Variants in PDK3 observed in about 807,000 individuals in gnomAD.
PDK3 encodes the protein pyruvate dehydrogenase kinase, isozyme 3.
PDK3 carries 12 observed loss-of-function variants against 32.0 expected under a neutral mutation model. The observed-to-expected ratio is 0.37, with a 90% CI of 0.24 to 0.61. The LOEUF (loss-of-function observed/expected upper bound fraction) is 0.61. PDK3 is among the 20% of genes least tolerant of loss of function. PDK3 has a pLI of 0.65. For synonymous variants in PDK3, 122 were observed against 116.3 expected (o/e 1.05, Z -0.31); for missense variants, 188 against 316.9 (o/e 0.59, Z 3.09).
intron 1 of PDK3, among the ~76,000 whole-genome samples, chrX:24,480,915 A>C (rs755830634): frequency 8.9e-6 from 1 of 112,160 alleles, no homozygotes; most frequent in Non-Finnish European, 1.9e-5. Context: ...AAGGTTTTTG[A>C]AATAAGGGTG....
intron 9 of PDK3, among the ~76,000 whole-genome samples, chrX:24,531,086 GA>G (rs1253382816): frequency 7.2e-5 from 7 of 97,367 alleles, no homozygotes; most frequent in African/African-American, 3.0e-4. Context: ...TGTGTGTGGA[GA>G]TGGAGTCTTG....
At chrX:24,483,443 T>C (rs1334531627) in intron 1 of PDK3, among the ~76,000 whole-genome samples, 1 of 111,937 alleles carries the variant, frequency 8.9e-6, no homozygotes, top group Non-Finnish European at 1.9e-5. Context: ...TGACATCTGT[T>C]CTGAACACAT....
chrX:24,496,566 A>ATTTTTTTTTTTTTTTT (rs1921707593), intron 2 of PDK3, among the ~76,000 whole-genome samples: 1 of 41,128 alleles, frequency 2.4e-5, no homozygotes, highest in African/African-American at 1.0e-4. Context: ...TACTACCCCC[A>ATTTTTTTTTTTTTTTT]TCTTTTTTTT....
At chrX:24,506,726 G>T (rs770397428) in intron 5 of PDK3, among the ~76,000 whole-genome samples, 4 of 105,835 alleles carry the variant, frequency 3.8e-5, no homozygotes, top group African/African-American at 6.9e-5. Flanking sequence ...GCTCAATTCA[G>T]TGTTTTTTAG....
chrX:24,495,440 C>T (rs61595685), intron 2 of PDK3, among the ~76,000 whole-genome samples: 11,010 of 112,389 alleles, frequency 0.098, 826 homozygotes, highest in African/African-American at 0.26. Context: ...CTGGGCCACC[C>T]GTGCTTTTGA....
intron 1 of PDK3, among the ~76,000 whole-genome samples, chrX:24,470,719 G>C (rs868821679): frequency 2.1e-5 from 2 of 94,423 alleles, no homozygotes; most frequent in Non-Finnish European, 4.3e-5. Flanking sequence ...AAGAAGAAAA[G>C]AAAAAAAGAA....
At chrX:24,493,284 T>C (rs1248801445) in intron 1 of PDK3, among the ~76,000 whole-genome samples, 1 of 111,457 alleles carries the variant, frequency 9.0e-6, no homozygotes, top group Non-Finnish European at 1.9e-5. Context: ...TATTGTAACT[T>C]TTTTGAGAAT....
intron 3 of PDK3, 26 bp from the exon 4 acceptor site, chrX:24,503,301 C>T (rs1323945902): frequency 1.7e-6 from 2 of 1,153,402 alleles, no homozygotes; most frequent in African/African-American, 3.6e-5. Context: ...TTAAGACTGA[C>T]CACGTTTTGT....
chrX:24,496,770 TC>T (rs1274560216), intron 2 of PDK3, among the ~76,000 whole-genome samples: 2,436 of 79,096 alleles, frequency 0.031, 75 homozygotes, highest in Non-Finnish European at 0.047. Context: ...CTCAAAATAA[TC>T]TTTTTTTTTT....
In PDK3 at chrX:24,513,485, G is replaced by A. The variant is rs147379677; in HGVS notation, c.596-5448G>A. On this transcript the variant is annotated intron_variant, in intron 5 of 10. Coordinates refer to ENST00000379162, the MANE Select transcript of PDK3 (RefSeq NM_005391.5). Reference sequence around the variant, plus strand: ...ACCTTACCTTCATCTTCAGATACTTGCAAAATAGATCTCGGATTCAGGTAT... The same window carrying A: ...ACCTTACCTTCATCTTCAGATACTTACAAAATAGATCTCGGATTCAGGTAT... 60 of 137,159 alleles carry A rather than the reference G, an allele frequency of 4.4e-4. 1 individual carries two copies. The East Asian group carries it at 0.01, about 24-fold the overall frequency. 11.3% of individuals were successfully genotyped at this position (137,159 alleles called of 1,213,427 possible).
In PDK3 at chrX:24,534,155, T is replaced by C. The variant is rs1602129889; in HGVS notation, c.*83T>C. ...CTCACTGTTCCAGGAATTCTTGCAG[T>C]GTAGAGGTATTCACAACAGCAAGCA... On this transcript the variant is annotated 3_prime_UTR_variant, in exon 11 of 11. Transcript: ENST00000379162. 1 of 1,025,858 alleles carries C rather than the reference T, an allele frequency of 9.7e-7. No homozygotes were observed. Among genetic ancestry groups the C allele is most frequent in the South Asian group, 4.1e-5 (1 of 24,275 alleles). The allele number at this position is 1,025,858 out of a possible 1,213,427, so 84.5% of individuals were successfully genotyped here. A position where few individuals can be genotyped will look rare whatever the true frequency, so the allele number is the denominator to read the frequency against.
intron 5 of PDK3, among the ~76,000 whole-genome samples, chrX:24,510,802 G>C (rs188135742): frequency 8.9e-6 from 1 of 111,872 alleles, no homozygotes; most frequent in East Asian, 2.8e-4. Flanking sequence ...TCTGCAGTGG[G>C]GGATTGGCCT....
At chrX:24,468,545 G>C (rs1335335200) in intron 1 of PDK3, among the ~76,000 whole-genome samples, 2 of 112,030 alleles carry the variant, frequency 1.8e-5, no homozygotes, top group Non-Finnish European at 3.8e-5. Context: ...AAATGGTCTG[G>C]GGGTGCTGGG....
chrX:24,486,294 G>C (rs1602105861), intron 1 of PDK3, among the ~76,000 whole-genome samples: 1 of 111,483 alleles, frequency 9.0e-6, no homozygotes, highest in East Asian at 2.8e-4. Flanking sequence ...CCCAGGAAGA[G>C]GCCACCCCAA....
intron 4 of PDK3, 51 bp downstream of exon 4, chrX:24,503,562 C>T: frequency 2.3e-6 from 2 of 883,575 alleles, no homozygotes; most frequent in African/African-American, 2.0e-5. Flanking sequence ...ATAGTGATTT[C>T]TCCCAAATGT....
intron 4 of PDK3, 71 bp downstream of exon 4, chrX:24,503,582 G>T: frequency 1.3e-6 from 1 of 795,113 alleles, no homozygotes. Flanking sequence ...TTTTCCTGTT[G>T]TTAATTTACT....
intron 1 of PDK3, among the ~76,000 whole-genome samples, chrX:24,491,278 C>CAA (rs55876160): frequency 2.9e-5 from 2 of 68,782 alleles, no homozygotes; most frequent in African/African-American, 1.0e-4. Flanking sequence ...GACCCTGTCT[C>CAA]AAAAAAAAAA....
chrX:24,499,113 C>CTTTTTTTTTTTTTTTTTTTTT, intron 3 of PDK3: 1 of 286,807 alleles, frequency 3.5e-6, no homozygotes, highest in East Asian at 5.9e-5. Flanking sequence ...TTCAGTTTTG[C>CTTTTTTTTTTTTTTTTTTTTT]TTTTATGATC....
intron 1 of PDK3, among the ~76,000 whole-genome samples, chrX:24,481,672 G>A (rs12838212): frequency 1.1e-4 from 12 of 111,573 alleles, no homozygotes; most frequent in Non-Finnish European, 1.9e-4. Context: ...TTGTTTAAAA[G>A]TGTGTAGCAC....
Sources: allele counts gnomAD v4.1 joint callset (sites outside exome capture counted in the v4.1 genomes callset), GRCh38; gene constraint gnomAD v4.1.1; transcripts MANE v1.5; gene names NCBI Gene and HGNC (gene_info 2026-07-23, HGNC 2026-07-21).